Variants in MOV10L1 observed in about 807,000 individuals in gnomAD.
The protein encoded by MOV10L1 is Mov10 like RNA helicase 1, also known as RNA helicase Mov10l1.
MOV10L1 carries 110 observed loss-of-function variants against 143.8 expected under a neutral mutation model. That is an observed-to-expected ratio of 0.76 (90% CI 0.66 to 0.90). The LOEUF (loss-of-function observed/expected upper bound fraction) is 0.90, where lower values mean the gene tolerates loss of function less well. Among genes scored for constraint, MOV10L1 ranks in the 40% least tolerant of loss-of-function variants. The pLI is 0.00. For missense variants in MOV10L1, 1,406 were observed against 1,526.8 expected, an observed-to-expected ratio of 0.92 and a Z score of 1.32; for synonymous variants, 593 against 581.1, an observed-to-expected ratio of 1.02 and a Z score of -0.29.
At chr22:50,126,904 G>A (rs1374426465) in intron 12 of MOV10L1, among the ~76,000 whole-genome samples, 1 of 152,214 alleles carries the variant, frequency 6.6e-6, no homozygotes, top group African/African-American at 2.4e-5. Context: ...TGGAGAAGAG[G>A]CAGCTTCCGA....
intron 13 of MOV10L1, among the ~76,000 whole-genome samples, chr22:50,129,282 G>A (rs2062605726): frequency 6.6e-6 from 1 of 152,042 alleles, no homozygotes; most frequent in African/African-American, 2.4e-5. Flanking sequence ...TCGGATGAGG[G>A]GTGCTGTGAC....
chr22:50,151,279 G>A (rs1170833068), intron 21 of MOV10L1, among the ~76,000 whole-genome samples: 1 of 152,192 alleles, frequency 6.6e-6, no homozygotes, highest in African/African-American at 2.4e-5. Flanking sequence ...CAAATTCTGA[G>A]GGATGGGCTT....
chr22:50,144,967 G>A (rs2063107630), intron 18 of MOV10L1, among the ~76,000 whole-genome samples: 1 of 151,774 alleles, frequency 6.6e-6, no homozygotes, highest in Non-Finnish European at 1.5e-5. Flanking sequence ...TTGAGACAGA[G>A]TTTTTGCTCT....
At chr22:50,140,729 CT>C (rs3042026) in intron 15 of MOV10L1, among the ~76,000 whole-genome samples, 21 of 147,696 alleles carry the variant, frequency 1.4e-4, no homozygotes, top group Non-Finnish European at 1.5e-4. Flanking sequence ...TAACGTGAAA[CT>C]TTTTTTTTTT....
intron 15 of MOV10L1, among the ~76,000 whole-genome samples, chr22:50,136,072 T>A (rs1876126292): frequency 6.6e-6 from 1 of 152,234 alleles, no homozygotes; most frequent in African/African-American, 2.4e-5. Context: ...AGGTTTAGAA[T>A]GCCTATACAA....
intron 15 of MOV10L1, 93 bp from the exon 16 acceptor site, chr22:50,141,988 G>A (rs2063001410): frequency 1.1e-6 from 1 of 899,830 alleles, no homozygotes; most frequent in African/African-American, 1.7e-5. Flanking sequence ...AATATACTAA[G>A]TAGAACACTA....
At chr22:50,116,098 G>A (rs1271252213) in intron 8 of MOV10L1, among the ~76,000 whole-genome samples, 1 of 151,948 alleles carries the variant, frequency 6.6e-6, no homozygotes, top group Admixed American at 6.6e-5. Flanking sequence ...TAAATTTTTT[G>A]AAAAACTTAA....
intron 15 of MOV10L1, 121 bp from the exon 16 acceptor site, chr22:50,141,960 C>G (rs1602308119): frequency 1.6e-6 from 1 of 618,396 alleles, no homozygotes; most frequent in East Asian, 3.4e-5. Flanking sequence ...TGTGATCCAT[C>G]CAAAGAGCTG....
At position 50,134,052 on chromosome 22, in the gene MOV10L1, C is replaced by A. The variant is rs1238920767; in HGVS notation, c.1956C>A (p.His652Gln). 6.2e-7 allele frequency: 1 copy of A among 1,610,998 alleles called. No homozygotes were observed. ...RCHFALEHVI[H>Q]LGVKVLFPEE... ...ACTTTGCACTTGAACACGTCATCCA[C>A]TTAGGTGTAAAAGGTATTACTTTTA... The change falls in exon 14 of 27, where the codon CAC (histidine) becomes CAA (glutamine). Residue 652 changes from histidine (H) to glutamine (Q), a missense_variant. Coordinates refer to ENST00000262794, the MANE Select transcript of MOV10L1 (RefSeq NM_018995.3).
intron 15 of MOV10L1, among the ~76,000 whole-genome samples, chr22:50,136,550 G>A (rs2062827808): frequency 6.6e-6 from 1 of 152,234 alleles, no homozygotes. Context: ...AAACAAATGA[G>A]GTGACCTCAT....
intron 9 of MOV10L1, 98 bp downstream of exon 9, chr22:50,117,449 G>A: frequency 7.6e-7 from 1 of 1,320,388 alleles, no homozygotes; most frequent in Non-Finnish European, 1.0e-6. Flanking sequence ...CACCTGGCTG[G>A]GGAGGTATAA....
At chr22:50,151,029 C>A (rs138410975) in intron 21 of MOV10L1, 130 bp downstream of exon 21, 1 of 1,127,482 alleles carries the variant, frequency 8.9e-7, no homozygotes, top group African/African-American at 1.5e-5. Flanking sequence ...GGAGCACCCA[C>A]CATAGCACCT....
At chr22:50,105,875 G>A (rs1263718316) in intron 3 of MOV10L1, among the ~76,000 whole-genome samples, 1 of 152,170 alleles carries the variant, frequency 6.6e-6, no homozygotes, top group Admixed American at 6.6e-5. Context: ...TGTCATAGAA[G>A]TTCAGGAACT....
chr22:50,112,214 T>C (rs557472041), intron 5 of MOV10L1, among the ~76,000 whole-genome samples: 19 of 152,336 alleles, frequency 1.2e-4, no homozygotes, highest in African/African-American at 4.6e-4. Context: ...GGGCCCATCC[T>C]GTGGGGCGTG....
intron 22 of MOV10L1, 95 bp from the exon 23 acceptor site, chr22:50,157,962 A>G: frequency 7.2e-7 from 1 of 1,390,728 alleles, no homozygotes; most frequent in Non-Finnish European, 9.9e-7. Context: ...TGTCATATTC[A>G]GTGTGTATTC....
intron 5 of MOV10L1, among the ~76,000 whole-genome samples, chr22:50,112,150 G>A (rs999576478): frequency 1.3e-5 from 2 of 152,188 alleles, no homozygotes; most frequent in African/African-American, 2.4e-5. Context: ...TTGGGTGCTC[G>A]GAGCCCAGTT....
At chr22:50,124,034 A>C (rs1569298230) in intron 10 of MOV10L1, among the ~76,000 whole-genome samples, 1 of 152,034 alleles carries the variant, frequency 6.6e-6, no homozygotes, top group Non-Finnish European at 1.5e-5. Context: ...TTTTCTAGTT[A>C]ATCTACTAAA....
intron 15 of MOV10L1, among the ~76,000 whole-genome samples, chr22:50,138,110 A>C (rs986938750): frequency 6.6e-6 from 1 of 152,150 alleles, no homozygotes. Flanking sequence ...AGCAAACTAG[A>C]AATAAAAGGA....
chr22:50,090,862 A>AGG lies in MOV10L1; in HGVS notation c.97+683_97+684dup, dbSNP rs533006958. The AGG allele has an allele frequency of 1.8e-5, 5 of 282,210 alleles. No individual in the cohort carries two copies. The East Asian group carries it at 3.1e-4, about 18-fold the overall frequency. 17.5% of individuals were successfully genotyped at this position (282,210 alleles called of 1,614,324 possible). On this transcript the variant is annotated intron_variant, in intron 1 of 26. Transcript: ENST00000262794. ...CGGCTAATTTTTGTATTTTTAGTCG[A>AGG]GGGGGGGTTCGCCATGTTGGTCAGG...
Sources: allele counts gnomAD v4.1 joint callset (sites outside exome capture counted in the v4.1 genomes callset), GRCh38; gene constraint gnomAD v4.1.1; transcripts MANE v1.5; gene names NCBI Gene and HGNC (gene_info 2026-07-23, HGNC 2026-07-21).